The following IFT57 variants were observed in gnomAD, a reference collection of about 807,000 sequenced individuals.
IFT57 encodes the protein intraflagellar transport protein 57 homolog.
In IFT57, 59 loss-of-function variants were observed where a neutral mutation model predicts 56.8. That is an observed-to-expected ratio of 1.04 (90% CI 0.84 to 1.29). IFT57 has a LOEUF of 1.29. Among genes scored for constraint, IFT57 ranks in the 50% most tolerant of loss-of-function variants. The pLI is 0.00. For synonymous variants in IFT57, 209 were observed against 186.1 expected (o/e 1.12, Z -1.00); for missense variants, 470 against 522.1 (o/e 0.90, Z 0.97).
intron 5 of IFT57, among the ~76,000 whole-genome samples, chr3:108,198,623 G>A (rs1401379613): frequency 6.6e-6 from 1 of 152,120 alleles, no homozygotes; most frequent in Non-Finnish European, 1.5e-5. Context: ...TGTATTTTTA[G>A]TAGAGATGGG....
chr3:108,187,952 T>TA (rs1256952756), intron 6 of IFT57, among the ~76,000 whole-genome samples: 363 of 151,794 alleles, frequency 2.4e-3, no homozygotes, highest in African/African-American at 7.4e-3. Flanking sequence ...GTTTTTTTTT[T>TA]TTATACTTTA....
At chr3:108,207,909 G>T (rs1237920135) in intron 4 of IFT57, among the ~76,000 whole-genome samples, 3 of 152,176 alleles carry the variant, frequency 2.0e-5, no homozygotes, top group Non-Finnish European at 2.9e-5. Context: ...CGGGCGTGGT[G>T]GCGGGCGCCT....
At chr3:108,178,708 A>G (rs2080136960) in intron 6 of IFT57, among the ~76,000 whole-genome samples, 1 of 151,902 alleles carries the variant, frequency 6.6e-6, no homozygotes, top group South Asian at 2.1e-4. Context: ...CATACCTACC[A>G]CAATGATTAA....
chr3:108,173,304 C>T (rs891173496), intron 6 of IFT57, among the ~76,000 whole-genome samples: 6 of 151,634 alleles, frequency 4.0e-5, no homozygotes, highest in Admixed American at 3.9e-4. Flanking sequence ...ATAGTGATTA[C>T]TGTGGGTGGG....
At chr3:108,203,816 G>A (rs2080293350) in intron 5 of IFT57, among the ~76,000 whole-genome samples, 1 of 152,130 alleles carries the variant, frequency 6.6e-6, no homozygotes, top group African/African-American at 2.4e-5. Context: ...ATAAAGTAGG[G>A]TGGGTGAGAG....
chr3:108,193,520 A>C (rs781486805), intron 5 of IFT57, among the ~76,000 whole-genome samples: 1 of 152,216 alleles, frequency 6.6e-6, no homozygotes, highest in Non-Finnish European at 1.5e-5. Flanking sequence ...GTATAAAAAA[A>C]CAAAACATTA....
chr3:108,189,291 C>T (rs2080202004), intron 6 of IFT57, among the ~76,000 whole-genome samples: 2 of 152,202 alleles, frequency 1.3e-5, no homozygotes, highest in African/African-American at 4.8e-5. Flanking sequence ...TGTTCTACAG[C>T]TGTTCACAGT....
chr3:108,173,736 GT>G (rs1246391232), intron 6 of IFT57, among the ~76,000 whole-genome samples: 1 of 149,186 alleles, frequency 6.7e-6, no homozygotes, highest in African/African-American at 2.5e-5. Flanking sequence ...TCGAAAAATT[GT>G]TAAGTTGAAC....
chr3:108,194,752 T>G (rs1201808290), intron 5 of IFT57, among the ~76,000 whole-genome samples: 1 of 152,146 alleles, frequency 6.6e-6, no homozygotes, highest in Middle Eastern at 3.2e-3. Flanking sequence ...GGACAGTCTC[T>G]TCAATACATG....
chr3:108,183,658 G>A (rs780647761), intron 6 of IFT57, among the ~76,000 whole-genome samples: 20 of 152,084 alleles, frequency 1.3e-4, no homozygotes, highest in Non-Finnish European at 2.2e-4. Context: ...ACATGACGGT[G>A]GCTGACACCC....
chr3:108,164,026 G>A (rs947301256), intron 9 of IFT57, among the ~76,000 whole-genome samples: 4 of 151,802 alleles, frequency 2.6e-5, no homozygotes, highest in South Asian at 2.1e-4. Context: ...CTCAAACCTC[G>A]CAATTATCTC....
intron 10 of IFT57, 87 bp downstream of exon 10, chr3:108,163,576 T>C (rs1399398993): frequency 9.7e-6 from 8 of 826,470 alleles, no homozygotes; most frequent in Non-Finnish European, 1.6e-5. Flanking sequence ...ATTTGTTTTA[T>C]ATATTAATAC....
chr3:108,181,782 T>C (rs1156731174), intron 6 of IFT57, among the ~76,000 whole-genome samples: 1 of 152,138 alleles, frequency 6.6e-6, no homozygotes, highest in African/African-American at 2.4e-5. Flanking sequence ...CTATTATTCC[T>C]GCATTGAGCC....
At chr3:108,199,962 C>T (rs888052589) in intron 5 of IFT57, among the ~76,000 whole-genome samples, 1 of 152,108 alleles carries the variant, frequency 6.6e-6, no homozygotes, top group South Asian at 2.1e-4. Context: ...AGCAGATATG[C>T]TCACAAGGTG....
intron 6 of IFT57, among the ~76,000 whole-genome samples, chr3:108,174,511 C>T (rs796218318): frequency 2.3e-4 from 32 of 140,384 alleles, no homozygotes; most frequent in African/African-American, 8.0e-4. Flanking sequence ...TTATTTGAGA[C>T]TCCCAAAGGT....
chr3:108,214,908 C>A (rs1408898560), intron 3 of IFT57, among the ~76,000 whole-genome samples: 1 of 152,054 alleles, frequency 6.6e-6, no homozygotes, highest in African/African-American at 2.4e-5. Context: ...AGTTGGTAAC[C>A]TTTTCCTGCA....
intron 6 of IFT57, among the ~76,000 whole-genome samples, chr3:108,190,667 C>T (rs1021779323): frequency 1.2e-4 from 18 of 152,088 alleles, no homozygotes; most frequent in Non-Finnish European, 2.4e-4. Context: ...AGTACAAAAA[C>T]GAACTAATAC....
intron 6 of IFT57, among the ~76,000 whole-genome samples, chr3:108,173,727 C>G (rs1240488753): frequency 6.7e-6 from 1 of 148,664 alleles, no homozygotes; most frequent in Non-Finnish European, 1.5e-5. Flanking sequence ...ACTGTAAAGT[C>G]GAAAAATTGT....
intron 6 of IFT57, among the ~76,000 whole-genome samples, chr3:108,185,339 G>C (rs1414419903): frequency 6.6e-6 from 1 of 152,060 alleles, no homozygotes; most frequent in African/African-American, 2.4e-5. Context: ...ATTTTTGAAA[G>C]AGGTTTGGCT....
Sources: allele counts gnomAD v4.1 joint callset (sites outside exome capture counted in the v4.1 genomes callset), GRCh38; gene constraint gnomAD v4.1.1; transcripts MANE v1.5; gene names NCBI Gene and HGNC (gene_info 2026-07-23, HGNC 2026-07-21).